IL6R: variants seen among roughly 807,000 people sequenced by gnomAD.
IL6R encodes the protein interleukin 6 receptor.
A neutral mutation model predicts 48.3 loss-of-function variants in IL6R; 38 were observed. The ratio of observed to expected loss-of-function variants is 0.79; its 90% confidence interval spans 0.61 to 1.03. The LOEUF (loss-of-function observed/expected upper bound fraction) is 1.03. Ranked by LOEUF, IL6R falls within the 50% of genes least tolerant of loss-of-function variation. The pLI, the probability that IL6R is intolerant of heterozygous loss-of-function variation, is 0.00. For missense variants in IL6R, 534 were observed against 618.3 expected (o/e 0.86, Z 1.45); for synonymous variants, 264 against 256.2 (o/e 1.03, Z -0.29).
chr1:154,428,836 G>A (rs1340228697), intron 1 of IL6R, among the ~76,000 whole-genome samples: 2 of 152,144 alleles, frequency 1.3e-5, no homozygotes, highest in African/African-American at 4.8e-5. Context: ...GTTGAGGGGA[G>A]GGCTCCACAC....
intron 6 of IL6R, among the ~76,000 whole-genome samples, chr1:154,447,454 A>G (rs376655433): frequency 1.4e-5 from 1 of 70,102 alleles, no homozygotes; most frequent in Non-Finnish European, 2.5e-5. Flanking sequence ...AAAAAAAAAA[A>G]ATATATATAT....
chr1:154,463,637 G>A (rs963738562), intron 9 of IL6R, among the ~76,000 whole-genome samples: 1 of 152,222 alleles, frequency 6.6e-6, no homozygotes, highest in African/African-American at 2.4e-5. Flanking sequence ...AAAGTGGGAA[G>A]CAAGAGGGAG....
chr1:154,444,707 G>A (rs978418186), intron 6 of IL6R, among the ~76,000 whole-genome samples: 1 of 151,976 alleles, frequency 6.6e-6, no homozygotes, highest in African/African-American at 2.4e-5. Flanking sequence ...AGACCAGCCG[G>A]GCACCATAAG....
Position 154,446,669 on chromosome 1 carries a change from G to A in IL6R, c.950-1456G>A, listed in dbSNP as rs543432207. Reference sequence around the variant, plus strand: ...TGTTCCCGTGCAGGGGGAGGGAGCCGTGAGGGTGCCTGGTCCACATCCCTG... The same window carrying A: ...TGTTCCCGTGCAGGGGGAGGGAGCCATGAGGGTGCCTGGTCCACATCCCTG... On this transcript the variant is annotated intron_variant, in intron 6 of 9. Coordinates refer to ENST00000368485, the MANE Select transcript of IL6R (RefSeq NM_000565.4). Among the ~76,000 whole-genome samples, 10 of 152,312 alleles carry A rather than the reference G, an allele frequency of 6.6e-5. No individual in the cohort carries two copies. The East Asian group carries it at 1.9e-3, about 29-fold the overall frequency.
chr1:154,447,502 CATATATATAT>C (rs1225161315), intron 6 of IL6R, among the ~76,000 whole-genome samples: 15 of 97,934 alleles, frequency 1.5e-4, no homozygotes, highest in African/African-American at 4.7e-4. Flanking sequence ...CACACACACA[CATATATATAT>C]ACACACATAC....
At chr1:154,434,301 ACT>A (rs1469540376) in intron 3 of IL6R, among the ~76,000 whole-genome samples, 1 of 152,140 alleles carries the variant, frequency 6.6e-6, no homozygotes, top group African/African-American at 2.4e-5. Context: ...ACACAGTGAG[ACT>A]CTATCACAAA....
intron 1 of IL6R, chr1:154,415,276 T>G (rs1570925383): frequency 5.4e-6 from 3 of 559,980 alleles, no homozygotes; most frequent in Middle Eastern, 4.9e-4. Context: ...TTTTAAAAGT[T>G]TAAATATTTG....
At chr1:154,427,193 C>T (rs1489389236) in intron 1 of IL6R, among the ~76,000 whole-genome samples, 3 of 152,120 alleles carry the variant, frequency 2.0e-5, no homozygotes, top group Non-Finnish European at 4.4e-5. Context: ...GCTGGGATTA[C>T]AGGTGTGAGG....
chr1:154,448,709 C>G (rs1306416658), intron 7 of IL6R, among the ~76,000 whole-genome samples: 1 of 152,076 alleles, frequency 6.6e-6, no homozygotes, highest in Non-Finnish European at 1.5e-5. Context: ...CATGTAGGAA[C>G]AGCTGCAGGT....
At chr1:154,414,771 C>T in intron 1 of IL6R, 1 of 763,148 alleles carries the variant, frequency 1.3e-6, no homozygotes, top group Non-Finnish European at 2.4e-6. Flanking sequence ...CCTTGGCAGG[C>T]AGCCACTCCA....
chr1:154,432,649 C>A (rs1689362806), intron 3 of IL6R, among the ~76,000 whole-genome samples: 1 of 152,210 alleles, frequency 6.6e-6, no homozygotes, highest in African/African-American at 2.4e-5. Context: ...TGAGCCACCG[C>A]GCCCGGCTTG....
At chr1:154,412,803 T>C (rs918980376) in intron 1 of IL6R, among the ~76,000 whole-genome samples, 1 of 152,096 alleles carries the variant, frequency 6.6e-6, no homozygotes, top group African/African-American at 2.4e-5. Flanking sequence ...AAGTGAGGCC[T>C]AGAGAGGTTG....
In IL6R at chr1:154,416,308, A is replaced by T. The variant is rs933325721; in HGVS notation, c.85+10594A>T. ...CCATGACTGGCTAATTTAAAAAAAA[A>T]TTTTTTTTTTTTTTTTTGTAGAGAT... is the stretch of plus-strand genomic sequence containing the variant. On this transcript the variant is annotated intron_variant, in intron 1 of 9. Transcript: ENST00000368485. Among the ~76,000 whole-genome samples the T allele has an allele frequency of 2.9e-3, 399 of 138,688 alleles. 2 individuals are homozygous for T. The highest frequency in any genetic ancestry group is 8.4e-3 in the African/African-American group (317 of 37,796). 91.0% of individuals were successfully genotyped at this position (138,688 alleles called of 152,430 possible).
chr1:154,465,088 G>A (rs1359397440), intron 9 of IL6R, 46 bp from the exon 10 acceptor site: 2 of 1,611,180 alleles, frequency 1.2e-6, no homozygotes, highest in Admixed American at 1.7e-5. Flanking sequence ...TTGTCACAGG[G>A]GGAGCTAAAA....
At chr1:154,423,287 A>ATATATATATATATATATATAT (rs1688791212) in intron 1 of IL6R, among the ~76,000 whole-genome samples, 1 of 143,292 alleles carries the variant, frequency 7.0e-6, no homozygotes, top group Non-Finnish European at 1.5e-5. Flanking sequence ...ATATATATGT[A>ATATATATATATATATATATAT]TTCATTATAA....
chr1:154,428,105 G>A (rs1689076254), intron 1 of IL6R, among the ~76,000 whole-genome samples: 1 of 152,136 alleles, frequency 6.6e-6, no homozygotes. Flanking sequence ...AATTTGATTG[G>A]TTAATAAATG....
At chr1:154,423,869 T>G (rs1298092589) in intron 1 of IL6R, among the ~76,000 whole-genome samples, 1 of 152,168 alleles carries the variant, frequency 6.6e-6, no homozygotes, top group African/African-American at 2.4e-5. Context: ...GTATTTTTAT[T>G]TGGTATTTCT....
chr1:154,459,499 A>G (rs1172634377), intron 9 of IL6R, among the ~76,000 whole-genome samples: 1 of 152,200 alleles, frequency 6.6e-6, no homozygotes, highest in East Asian at 1.9e-4. Flanking sequence ...TGGCTGAACC[A>G]TGGTTACCAT....
chr1:154,465,254 C>T lies in IL6R; in HGVS notation c.1281C>T (p.Leu427=). 1 of 1,614,210 alleles carries T rather than the reference C, an allele frequency of 6.2e-7. No homozygotes were observed. Among genetic ancestry groups the T allele is most frequent in the Non-Finnish European group, 8.5e-7 (1 of 1,180,038 alleles). The stretch of plus-strand genomic sequence containing the variant: ...GACCCACCCCAGTGCTTGTTCCTCT[C>T]ATCTCCCCACCGGTGTCCCCCAGCA... ...RPRPTPVLVP[L]ISPPVSPSSL... Residue 427 remains leucine (L), a synonymous_variant, in exon 10 of 10, where the codon CTC becomes CTT. Transcript: ENST00000368485.
Sources: allele counts gnomAD v4.1 joint callset (sites outside exome capture counted in the v4.1 genomes callset), GRCh38; gene constraint gnomAD v4.1.1; transcripts MANE v1.5; gene names NCBI Gene and HGNC (gene_info 2026-07-23, HGNC 2026-07-21).